The following KCTD9 variants were observed in gnomAD, a reference collection of about 807,000 sequenced individuals.
The protein encoded by KCTD9 is BTB/POZ domain-containing protein KCTD9.
KCTD9 carries 17 observed loss-of-function variants against 53.3 expected under a neutral mutation model. The observed-to-expected ratio is 0.32, with a 90% CI of 0.22 to 0.48. The LOEUF is 0.48. Among genes scored for constraint, KCTD9 ranks in the 20% least tolerant of loss-of-function variants. The probability of loss-of-function intolerance (pLI) is 0.99; values close to 1 mark genes in which losing one functional copy is unlikely to be tolerated. For synonymous variants in KCTD9, 128 were observed against 162.7 expected (o/e 0.79, Z 1.62); for missense variants, 179 against 465.5 (o/e 0.38, Z 5.66).
intron 2 of KCTD9, among the ~76,000 whole-genome samples, chr8:25,445,338 A>C (rs146141380): frequency 8.3e-4 from 126 of 152,288 alleles, no homozygotes; most frequent in African/African-American, 2.8e-3. Context: ...GAACTGATTA[A>C]CTGCAAAGCA....
chr8:25,452,365 G>A (rs1037895234), intron 1 of KCTD9, among the ~76,000 whole-genome samples: 5 of 152,142 alleles, frequency 3.3e-5, no homozygotes, highest in African/African-American at 1.2e-4. Flanking sequence ...CAATGACTTT[G>A]AAAAACAATC....
At chr8:25,436,358 G>C (rs571547298) in intron 7 of KCTD9, 28 bp from the exon 8 acceptor site, 2 of 1,590,538 alleles carry the variant, frequency 1.3e-6, no homozygotes, top group East Asian at 4.5e-5. Context: ...GAAATTAGTG[G>C]AGTCTTTTGG....
At chr8:25,441,848 A>G (rs1041492570) in intron 3 of KCTD9, among the ~76,000 whole-genome samples, 1 of 151,982 alleles carries the variant, frequency 6.6e-6, no homozygotes, top group Admixed American at 6.6e-5. Context: ...AAAAATACAA[A>G]AAAATTATCC....
chr8:25,453,051 G>A (rs1056196666), intron 1 of KCTD9, among the ~76,000 whole-genome samples: 7 of 152,090 alleles, frequency 4.6e-5, no homozygotes, highest in East Asian at 1.9e-4. Flanking sequence ...CGTATGTCCC[G>A]AAGCTGATTT....
At chr8:25,430,403 C>T (rs1402075591) in intron 11 of KCTD9, among the ~76,000 whole-genome samples, 1 of 152,114 alleles carries the variant, frequency 6.6e-6, no homozygotes, top group East Asian at 1.9e-4. Context: ...TGAGCTCCAC[C>T]TCCTGTCAGA....
chr8:25,438,398 A>G (rs567056822), intron 6 of KCTD9, among the ~76,000 whole-genome samples: 36 of 152,050 alleles, frequency 2.4e-4, no homozygotes, highest in African/African-American at 8.7e-4. Flanking sequence ...GTATTTCACT[A>G]CAGAAACTGT....
At position 25,436,316 on chromosome 8, in the gene KCTD9, C is replaced by T. The variant is rs748448553; in HGVS notation, c.582G>A (p.Pro194=). ...LEVAIKNSQP[P]EDHSPISRKE... ...TTCGGGATATTGGTGAATGATCCTC[C>T]GGTGGTTGAGAATTCTTAAAAAAGA... Residue 194 remains proline, a synonymous_variant, in exon 8 of 12, where the codon CCG becomes CCA. Coordinates refer to ENST00000221200, the MANE Select transcript of KCTD9 (RefSeq NM_017634.4). 4.6e-5 allele frequency: 74 copies of T among 1,612,338 alleles called. No individual in the cohort carries two copies. Among genetic ancestry groups the T allele is most frequent in the East Asian group, 1.1e-4 (5 of 44,852 alleles).
Position 25,433,427 on chromosome 8 carries a change from A to G in KCTD9, c.822T>C (p.Asn274=), listed in dbSNP as rs1255698067. ...DLSGSVLDCA[N]LQGVKMLCSN... ...AACAGAGCATCTTGACTCCCTGGAG[A>G]TTCGCACACTGCAAAGAAAAGAGAA... The change falls in exon 10 of 12, where the codon AAT becomes AAC. Residue 274 remains asparagine (N), a synonymous_variant. Coordinates refer to ENST00000221200, the MANE Select transcript of KCTD9 (RefSeq NM_017634.4). The G allele has an allele frequency of 6.3e-7, 1 of 1,591,944 alleles. No individual in the cohort carries two copies.
At chr8:25,454,758 C>T (rs1479174126) in intron 1 of KCTD9, among the ~76,000 whole-genome samples, 1 of 152,178 alleles carries the variant, frequency 6.6e-6, no homozygotes, top group Non-Finnish European at 1.5e-5. Context: ...TGGGCATGTA[C>T]TCAAACATCT....
chr8:25,457,160 G>C (rs1586444927), intron 1 of KCTD9: 1 of 157,616 alleles, frequency 6.3e-6, no homozygotes, highest in East Asian at 1.9e-4. Flanking sequence ...TTCGGAGCAT[G>C]TTTACTCTAC....
rs1802074871 is a variant in KCTD9 at position 25,439,272 on chromosome 8, A to T, written c.499+7T>A. ...CATAATTATATTGAAAGTCTAAATA[A>T]ACTCACCCAATAAATTAATGCCATC... On this transcript the variant is annotated splice_region_variant and intron_variant, in intron 6 of 11. Coordinates refer to ENST00000221200, the MANE Select transcript of KCTD9 (RefSeq NM_017634.4). 2.5e-6 allele frequency: 4 copies of T among 1,580,504 alleles called. No homozygotes were observed. Among genetic ancestry groups the T allele is most frequent in the Non-Finnish European group, 3.4e-6 (4 of 1,166,342 alleles).
rs547190449 is a variant in KCTD9 at position 25,453,942 on chromosome 8, G to C, written c.48+4257C>G. On this transcript the variant is annotated intron_variant, in intron 1 of 11. Coordinates refer to ENST00000221200, the MANE Select transcript of KCTD9 (RefSeq NM_017634.4). The stretch of plus-strand genomic sequence containing the variant: ...CTCACTAGGTTCTTATTAATGTTTA[G>C]CCTTCAGAGGCAGAGGTTCAGATAA... Among the ~76,000 whole-genome samples the C allele has an allele frequency of 3.9e-5, 6 of 152,256 alleles. No individual in the cohort carries two copies. The East Asian group carries it at 1.2e-3, about 29-fold the overall frequency.
intron 1 of KCTD9, among the ~76,000 whole-genome samples, chr8:25,453,817 TG>T (rs1338659984): frequency 1.3e-5 from 2 of 152,220 alleles, no homozygotes; most frequent in Non-Finnish European, 2.9e-5. Flanking sequence ...GATTTACAGA[TG>T]TTTGCTATAT....
rs756693128 is a variant in KCTD9, at chr8:25,435,376, C to T, written c.800G>A (p.Gly267Glu). The T allele has an allele frequency of 3.1e-6, 5 of 1,603,310 alleles. No homozygotes were observed. The South Asian group carries it at 5.6e-5, about 18-fold the overall frequency. The change falls in exon 9 of 12, where the codon GGA (glycine) becomes GAA (glutamate). Residue 267 changes from glycine to glutamate, a missense_variant. Physicochemically the swap from Gly to Glu is moderately conservative, Grantham distance 98 (BLOSUM62 -2). This residue lies in a region of KCTD9 where 32 missense variants were observed against 55.7 expected (regional missense o/e 0.57). Transcript: ENST00000221200. Reference sequence around the variant, plus strand: ...AATGATACTTACGTCAAGCACTGATCCAGAGAGATCAGCTCGTTCAAGATT... The same window carrying T: ...AATGATACTTACGTCAAGCACTGATTCAGAGAGATCAGCTCGTTCAAGATT... ...CANLERADLS[G>E]SVLDCANLQG...
In KCTD9 at chr8:25,457,266, TG is replaced by T. The variant is rs567828452; in HGVS notation, c.48+932del. The T allele has an allele frequency of 2.5e-4, 156 of 628,884 alleles. 1 individual carries two copies. In the African/African-American group the frequency reaches 2.9e-3, roughly 12 times the overall value. The allele number at this position is 628,884 out of a possible 1,614,324, so 39.0% of individuals were successfully genotyped here. ...CGAATGTGCAGGCAGCAGAGTATTT[TG>T]GCAACCAACACAGCGAGACCCATTT... On this transcript the variant is annotated intron_variant, in intron 1 of 11. Transcript: ENST00000221200.
chr8:25,430,808 TACACACACACAC>T (rs139075991), intron 11 of KCTD9, among the ~76,000 whole-genome samples: 1,571 of 145,568 alleles, frequency 0.011, 31 homozygotes, highest in African/African-American at 0.037. Context: ...ACATAATAAA[TACACACACACAC>T]ACACACACAC....
chr8:25,448,095 T>C (rs963555815), intron 1 of KCTD9, among the ~76,000 whole-genome samples: 1 of 150,988 alleles, frequency 6.6e-6, no homozygotes, highest in African/African-American at 2.4e-5. Flanking sequence ...GCCACTGCAC[T>C]CCAGCCTGGA....
At chr8:25,440,059 G>GTTT (rs59794332) in intron 4 of KCTD9, among the ~76,000 whole-genome samples, 12 of 131,862 alleles carry the variant, frequency 9.1e-5, no homozygotes, top group Middle Eastern at 3.6e-3. Context: ...TAAAAAGCAT[G>GTTT]TTTTTTTTTT....
At chr8:25,449,886 G>C (rs1802286648) in intron 1 of KCTD9, among the ~76,000 whole-genome samples, 1 of 152,022 alleles carries the variant, frequency 6.6e-6, no homozygotes, top group Non-Finnish European at 1.5e-5. Flanking sequence ...CATGACATAG[G>C]AACCCAAAGT....
Sources: allele counts gnomAD v4.1 joint callset (sites outside exome capture counted in the v4.1 genomes callset), GRCh38; gene constraint gnomAD v4.1.1; regional missense constraint gnomAD v4.1.1; transcripts MANE v1.5; gene names NCBI Gene and HGNC (gene_info 2026-07-23, HGNC 2026-07-21).